The following PPARG variants were observed in gnomAD, a reference collection of about 807,000 sequenced individuals.
The protein encoded by PPARG is peroxisome proliferator-activated receptor gamma.
In PPARG, 17 loss-of-function variants were observed where a neutral mutation model predicts 39.2. The observed-to-expected ratio is 0.43, with a 90% CI of 0.30 to 0.65. The LOEUF (loss-of-function observed/expected upper bound fraction) is 0.65. PPARG is among the 30% of genes least tolerant of loss of function. The pLI, the probability that PPARG is intolerant of heterozygous loss-of-function variation, is 0.13. For synonymous variants in PPARG, 223 were observed against 215.7 expected (o/e 1.03, Z -0.30); for missense variants, 406 against 585.9 (o/e 0.69, Z 3.17).
chr3:12,381,306 A>G lies in PPARG; in HGVS notation c.221-16A>G. 1 of 1,611,826 alleles carries G rather than the reference A, an allele frequency of 6.2e-7. No homozygotes were observed. Among genetic ancestry groups the G allele is most frequent in the Non-Finnish European group, 8.5e-7 (1 of 1,178,850 alleles). On this transcript the variant is annotated splice_polypyrimidine_tract_variant and intron_variant, in intron 3 of 7. Transcript: ENST00000651735. ...TTTCATGGGATAATTATCCTCTCAC[A>G]TGTCTCCATACACAGGTGCAATCAA...
chr3:12,364,245 G>C (rs942581766), intron 2 of PPARG, among the ~76,000 whole-genome samples: 1 of 152,142 alleles, frequency 6.6e-6, no homozygotes, highest in African/African-American at 2.4e-5. Flanking sequence ...GACTACCACT[G>C]ATCTTTTTCC....
At chr3:12,313,424 T>G (rs1210725894) in intron 2 of PPARG, among the ~76,000 whole-genome samples, 1 of 152,120 alleles carries the variant, frequency 6.6e-6, no homozygotes, top group Admixed American at 6.5e-5. Context: ...TGCTTTCAGA[T>G]TCCAAACTTT....
intron 2 of PPARG, chr3:12,351,541 A>C: frequency 7.3e-7 from 1 of 1,366,898 alleles, no homozygotes; most frequent in Admixed American, 1.7e-5. Context: ...CTTTTGCTAG[A>C]TAGAGACAAA....
At position 12,360,558 on chromosome 3, in the gene PPARG, G is replaced by A. The variant is rs185359916; in HGVS notation, c.-8-19146G>A. 5.4e-3 allele frequency among the ~76,000 whole-genome samples: 608 copies of A among 112,204 alleles called. 3 individuals carry two copies. The highest frequency in any genetic ancestry group is 0.018 in the African/African-American group (551 of 30,834). 73.6% of individuals were successfully genotyped at this position (112,204 alleles called of 152,430 possible). A position where few individuals can be genotyped will look rare whatever the true frequency, so the allele number is the denominator to read the frequency against. On this transcript the variant is annotated intron_variant, in intron 2 of 7. Transcript: ENST00000651735. ...CATTTTCACAAGTGAACATACTTGC[G>A]AAATTAGCACCCAGACAAAAAAAAA...
chr3:12,335,748 C>T (rs879305133), intron 2 of PPARG, among the ~76,000 whole-genome samples: 22 of 152,128 alleles, frequency 1.4e-4, no homozygotes, highest in Non-Finnish European at 4.4e-5. Flanking sequence ...TTCACCCCAC[C>T]ACGTTCTAAT....
chr3:12,295,409 A>G (rs901373201), intron 1 of PPARG, among the ~76,000 whole-genome samples: 8 of 152,188 alleles, frequency 5.3e-5, no homozygotes, highest in Admixed American at 5.2e-4. Flanking sequence ...TAGGATTACT[A>G]CATGTTTTCC....
Position 12,374,531 on chromosome 3 carries a change from G to A in PPARG, c.-8-5173G>A, listed in dbSNP as rs1291268482. On this transcript the variant is annotated intron_variant, in intron 2 of 7. Transcript: ENST00000651735. ...GGAGAATCATATGAACCTGGGAGGT[G>A]GAGGTTGCAGTGAGCCAAGATCGTG... 2.0e-5 allele frequency among the ~76,000 whole-genome samples: 3 copies of A among 152,192 alleles called. No individual in the cohort carries two copies. In the East Asian group the frequency reaches 5.8e-4, roughly 29 times the overall value.
Position 12,397,611 on chromosome 3 carries a change from C to T in PPARG, c.529+4859C>T, listed in dbSNP as rs184933132. ...ATTTTTAGTAGAGACGGGGTTTCAC[C>T]GTGTTAGCCAGGATGGTCGCGATCT... On this transcript the variant is annotated intron_variant, in intron 5 of 7. Transcript: ENST00000651735. Among the ~76,000 whole-genome samples the T allele has an allele frequency of 6.7e-3, 1,019 of 151,848 alleles. 7 individuals carry two copies. Among genetic ancestry groups the T allele is most frequent in the Non-Finnish European group, 0.01 (707 of 67,934 alleles).
rs991531760 is a variant in PPARG at position 12,319,998 on chromosome 3, G to A, written c.-9+7545G>A. On this transcript the variant is annotated intron_variant, in intron 2 of 7. Coordinates refer to ENST00000651735, the MANE Select transcript of PPARG (RefSeq NM_138711.6). Reference sequence around the variant, plus strand: ...TAGAAAGAGGTTGAGTAACTTACTCGAGCTAACAGTCACCGGTACACGCTA... The same window carrying A: ...TAGAAAGAGGTTGAGTAACTTACTCAAGCTAACAGTCACCGGTACACGCTA... 7.2e-5 allele frequency among the ~76,000 whole-genome samples: 11 copies of A among 152,156 alleles called. No individual in the cohort carries two copies. The East Asian group carries it at 1.5e-3, about 21-fold the overall frequency.
chr3:12,384,066 A>G (rs998997491), intron 4 of PPARG, among the ~76,000 whole-genome samples: 1 of 152,136 alleles, frequency 6.6e-6, no homozygotes. Flanking sequence ...CAGAATTCCT[A>G]GACTAAAATG....
At chr3:12,303,293 T>C (rs1345468088) in intron 1 of PPARG, among the ~76,000 whole-genome samples, 4 of 151,792 alleles carry the variant, frequency 2.6e-5, no homozygotes, top group African/African-American at 9.7e-5. Flanking sequence ...GCTTCCTGGG[T>C]TCAAGCGATT....
chr3:12,366,020 T>C (rs2049003974), intron 2 of PPARG, among the ~76,000 whole-genome samples: 1 of 152,154 alleles, frequency 6.6e-6, no homozygotes, highest in Admixed American at 6.6e-5. Context: ...ATACTGAGTC[T>C]TCCTATCCAT....
chr3:12,398,140 A>G (rs968144734), intron 5 of PPARG, among the ~76,000 whole-genome samples: 2 of 152,046 alleles, frequency 1.3e-5, no homozygotes, highest in South Asian at 2.1e-4. Flanking sequence ...TTAAAAAGCA[A>G]GAGAGTGATC....
At chr3:12,344,289 G>C (rs1245891150) in intron 2 of PPARG, among the ~76,000 whole-genome samples, 1 of 152,102 alleles carries the variant, frequency 6.6e-6, no homozygotes, top group Non-Finnish European at 1.5e-5. Context: ...ATATTTTCAA[G>C]TCTTCTTACT....
intron 5 of PPARG, among the ~76,000 whole-genome samples, chr3:12,396,360 G>A (rs1478617094): frequency 6.6e-6 from 1 of 152,116 alleles, no homozygotes; most frequent in Non-Finnish European, 1.5e-5. Flanking sequence ...GACCTCAGGT[G>A]ATCCACCCAC....
At chr3:12,370,391 C>T (rs914357550) in intron 2 of PPARG, among the ~76,000 whole-genome samples, 2 of 151,818 alleles carry the variant, frequency 1.3e-5, no homozygotes, top group African/African-American at 2.4e-5. Flanking sequence ...GAAATCCTTT[C>T]TCTCTTGGGT....
At chr3:12,318,774 T>A (rs777410886) in intron 2 of PPARG, among the ~76,000 whole-genome samples, 1 of 152,124 alleles carries the variant, frequency 6.6e-6, no homozygotes, top group Admixed American at 6.6e-5. Context: ...ACATATACAG[T>A]GTTACATAGT....
intron 2 of PPARG, among the ~76,000 whole-genome samples, chr3:12,313,766 A>G (rs1468040346): frequency 6.6e-6 from 1 of 152,218 alleles, no homozygotes; most frequent in Non-Finnish European, 1.5e-5. Context: ...TAAAATAACT[A>G]CGTATAATAT....
intron 7 of PPARG, among the ~76,000 whole-genome samples, chr3:12,423,458 G>A (rs1455917236): frequency 6.6e-6 from 1 of 152,182 alleles, no homozygotes; most frequent in Non-Finnish European, 1.5e-5. Context: ...TCTTGAGACT[G>A]TTCCCAGCTC....
Sources: gnomAD v4.1 joint callset for allele counts (sites outside exome capture counted in the v4.1 genomes callset) on GRCh38, gnomAD v4.1.1 for gene constraint, MANE v1.5 for transcripts, NCBI Gene and HGNC (gene_info 2026-07-23, HGNC 2026-07-21) for gene names.